The following PCDH7 variants were observed in gnomAD, a reference collection of about 807,000 sequenced individuals.
The protein encoded by PCDH7 is protocadherin 7.
In PCDH7, 17 loss-of-function variants were observed where a neutral mutation model predicts 58.9. That is an observed-to-expected ratio of 0.29 (90% CI 0.20 to 0.43). PCDH7 has a LOEUF of 0.43. PCDH7 is among the 20% of genes least tolerant of loss of function. PCDH7 has a pLI of 1.00. For missense variants in PCDH7, 1,274 were observed against 1,441.0 expected (o/e 0.88, Z 1.88); for synonymous variants, 664 against 616.4 (o/e 1.08, Z -1.14).
At chr4:30,950,920 A>G (rs1747297639) in intron 3 of PCDH7, among the ~76,000 whole-genome samples, 1 of 152,146 alleles carries the variant, frequency 6.6e-6, no homozygotes, top group Non-Finnish European at 1.5e-5. Flanking sequence ...GCAGAGTCAT[A>G]ACCTATAAAA....
chr4:31,113,163 A>C (rs960321760), intron 3 of PCDH7, among the ~76,000 whole-genome samples: 1 of 152,174 alleles, frequency 6.6e-6, no homozygotes, highest in African/African-American at 2.4e-5. Context: ...GTCATAGATC[A>C]AAATTTTGTT....
At chr4:30,853,965 A>C (rs528320326) in intron 1 of PCDH7, among the ~76,000 whole-genome samples, 1 of 152,160 alleles carries the variant, frequency 6.6e-6, no homozygotes, top group South Asian at 2.1e-4. Flanking sequence ...GGCAATTAAC[A>C]TTTCAAGGTA....
intron 1 of PCDH7, among the ~76,000 whole-genome samples, chr4:30,818,631 A>G (rs1727984930): frequency 1.3e-5 from 2 of 152,194 alleles, no homozygotes; most frequent in Admixed American, 6.5e-5. Flanking sequence ...GAAAATCAGG[A>G]CTGACTAGGA....
chr4:30,962,720 T>G (rs1454140052), intron 3 of PCDH7, among the ~76,000 whole-genome samples: 1 of 137,478 alleles, frequency 7.3e-6, no homozygotes, highest in Non-Finnish European at 1.5e-5. Flanking sequence ...AGGTTGAGGC[T>G]GCAGTGAGCC....
rs1739467133 is a variant in PCDH7, at chr4:30,896,889, C to CCTTTTTTTTTT, written c.71-23264_71-23263insCTTTTTTTTTT. Among the ~76,000 whole-genome samples, 3 of 27,338 alleles carry CCTTTTTTTTTT rather than the reference C, an allele frequency of 1.1e-4. No individual in the cohort carries two copies. The East Asian group carries it at 4.2e-3, about 38-fold the overall frequency. 17.9% of individuals were successfully genotyped at this position (27,338 alleles called of 152,430 possible). A position where few individuals can be genotyped will look rare whatever the true frequency, so the allele number is the denominator to read the frequency against. ...GTCTTGTGCCCCTCCTAGTTCTTTG[C>CCTTTTTTTTTT]TTTTTTTTTTTTTTTTTTTTTTTTT... is the stretch of plus-strand genomic sequence containing the variant. On this transcript the variant is annotated intron_variant, in intron 1 of 3. Transcript: ENST00000509759.
intron 3 of PCDH7, among the ~76,000 whole-genome samples, chr4:31,021,458 T>A (rs1754010028): frequency 1.3e-5 from 2 of 152,216 alleles, no homozygotes; most frequent in Non-Finnish European, 1.5e-5. Context: ...TCTGACCTTT[T>A]GTATGGTCAG....
intron 3 of PCDH7, among the ~76,000 whole-genome samples, chr4:31,028,550 G>C (rs1358622696): frequency 6.6e-6 from 1 of 151,882 alleles, no homozygotes; most frequent in African/African-American, 2.4e-5. Context: ...AGCTACTCCA[G>C]AGGTTGAGGT....
chr4:30,889,221 A>G (rs1738277916), intron 1 of PCDH7, among the ~76,000 whole-genome samples: 1 of 151,812 alleles, frequency 6.6e-6, no homozygotes, highest in Admixed American at 6.6e-5. Context: ...TTAACAAATT[A>G]GAAAGCGGAA....
At chr4:31,118,255 G>T (rs901352181) in intron 3 of PCDH7, among the ~76,000 whole-genome samples, 12 of 152,188 alleles carry the variant, frequency 7.9e-5, no homozygotes, top group Non-Finnish European at 1.5e-4. Context: ...GGTAAATTAT[G>T]ATGAAAGCTC....
intron 3 of PCDH7, among the ~76,000 whole-genome samples, chr4:31,004,090 C>T (rs1752571194): frequency 6.6e-6 from 1 of 152,144 alleles, no homozygotes; most frequent in African/African-American, 2.4e-5. Context: ...AGAGGTTTTA[C>T]TTCACAGCTA....
At chr4:30,790,151 G>A (rs1723927586) in intron 1 of PCDH7, among the ~76,000 whole-genome samples, 1 of 152,128 alleles carries the variant, frequency 6.6e-6, no homozygotes, top group Non-Finnish European at 1.5e-5. Context: ...TCACTTCCCT[G>A]TTTGGTAAAT....
chr4:31,027,416 A>ATATTT lies in PCDH7; in HGVS notation c.*7+77222_*7+77226dup, dbSNP rs368335116. On this transcript the variant is annotated intron_variant, in intron 3 of 3. Coordinates refer to the PCDH7 transcript ENST00000509759. ...GTTATGTATGTGTATGTATGTTATT[A>ATATTT]TATTTTATTTTATTTTATTTTATTT... Among the ~76,000 whole-genome samples, 695 of 151,998 alleles carry ATATTT rather than the reference A, an allele frequency of 4.6e-3. 5 individuals carry two copies. Among genetic ancestry groups the ATATTT allele is most frequent in the East Asian group, 0.022 (112 of 5,172 alleles).
At chr4:30,756,534 T>C (rs1719330798) in intron 1 of PCDH7, among the ~76,000 whole-genome samples, 1 of 152,232 alleles carries the variant, frequency 6.6e-6, no homozygotes. Flanking sequence ...CATTACATTG[T>C]GCTGACACCC....
chr4:30,879,375 TAA>T (rs1235759010), intron 1 of PCDH7, among the ~76,000 whole-genome samples: 28 of 152,148 alleles, frequency 1.8e-4, no homozygotes, highest in Non-Finnish European at 4.4e-5. Flanking sequence ...AACTGTGCAT[TAA>T]GAGGAAATTC....
chr4:30,845,958 T>G (rs1341650560), intron 1 of PCDH7, among the ~76,000 whole-genome samples: 1 of 152,182 alleles, frequency 6.6e-6, no homozygotes. Flanking sequence ...TAAAAAGTGC[T>G]TAAGAAATTT....
chr4:31,075,140 T>G (rs191357929), intron 3 of PCDH7, among the ~76,000 whole-genome samples: 1 of 151,910 alleles, frequency 6.6e-6, no homozygotes, highest in African/African-American at 2.4e-5. Context: ...CTTTGTAACA[T>G]GTTGCCTTCA....
chr4:30,765,205 T>C (rs1269628369), intron 1 of PCDH7, among the ~76,000 whole-genome samples: 1 of 147,786 alleles, frequency 6.8e-6, no homozygotes, highest in Non-Finnish European at 1.5e-5. Context: ...TTCCTGCACA[T>C]TGTTCCTGAA....
intron 1 of PCDH7, among the ~76,000 whole-genome samples, chr4:30,854,698 C>G (rs1733233024): frequency 6.6e-6 from 1 of 151,792 alleles, no homozygotes; most frequent in Admixed American, 6.6e-5. Flanking sequence ...ACTACCAGAG[C>G]CATGCATATT....
chr4:30,814,541 T>A (rs1350326111), intron 1 of PCDH7, among the ~76,000 whole-genome samples: 3 of 152,100 alleles, frequency 2.0e-5, no homozygotes, highest in Non-Finnish European at 1.5e-5. Flanking sequence ...TACCTTTTTC[T>A]GGCCTAAGAA....
Sources: gnomAD v4.1 joint callset for allele counts (sites outside exome capture counted in the v4.1 genomes callset) on GRCh38, gnomAD v4.1.1 for gene constraint, MANE v1.5 for transcripts, NCBI Gene and HGNC (gene_info 2026-07-23, HGNC 2026-07-21) for gene names.